BICRA: variants seen among roughly 807,000 people sequenced by gnomAD.
BICRA encodes the protein BRD4-interacting chromatin-remodeling complex-associated protein.
BICRA carries 31 observed loss-of-function variants against 96.9 expected under a neutral mutation model. The observed-to-expected ratio is 0.32, with a 90% CI of 0.24 to 0.43. BICRA has a LOEUF of 0.43. BICRA is among the 20% of genes least tolerant of loss of function. The probability of loss-of-function intolerance (pLI) is 1.00; values close to 1 mark genes in which losing one functional copy is unlikely to be tolerated. For missense variants in BICRA, 2,283 were observed against 2,190.3 expected (o/e 1.04, Z -0.84); for synonymous variants, 1,350 against 1,071.8 (o/e 1.26, Z -5.07).
In BICRA at chr19:47,701,190, C is replaced by T. The variant is rs192950891; in HGVS notation, c.3596-138C>T. On this transcript the variant is annotated intron_variant, in intron 14 of 14. Coordinates refer to ENST00000594866, the MANE Select transcript of BICRA (RefSeq NM_001394372.1). This position sits in a 1 kb window ranked among gnomAD's most constrained non-coding sequence, Gnocchi z 5.4. Reference sequence around the variant, plus strand: ...CTTGCTGAAGAGGGTCTCACCAAGCCTATCCTGAGGATTGGAGGGTCCAGG... The same window carrying T: ...CTTGCTGAAGAGGGTCTCACCAAGCTTATCCTGAGGATTGGAGGGTCCAGG... 3.8e-4 allele frequency: 247 copies of T among 652,918 alleles called. 1 individual carries two copies. In the African/African-American group the frequency reaches 4.2e-3, roughly 11 times the overall value. The allele number at this position is 652,918 out of a possible 1,614,324, so 40.4% of individuals were successfully genotyped here. A position where few individuals can be genotyped will look rare whatever the true frequency, so the allele number is the denominator to read the frequency against.
chr19:47,628,173 C>T (rs760042584), intron 1 of BICRA, among the ~76,000 whole-genome samples: 23 of 152,164 alleles, frequency 1.5e-4, no homozygotes, highest in Non-Finnish European at 2.9e-4. Flanking sequence ...ACTGTTGTTG[C>T]TATTATTATT....
In BICRA at chr19:47,680,314, G is replaced by A; in HGVS notation, c.1144G>A (p.Gly382Ser). Residue 382 changes from glycine to serine, a missense_variant, in exon 6 of 15, where the codon GGC becomes AGC. Transcript: ENST00000594866. ...APAGATLTIQ[G>S]EPGALPQQPK... Reference sequence around the variant, plus strand: ...CGCGGGCGCCACGCTCACCATCCAGGGCGAGCCGGGGGCGCTCCCGCAGCA... The same window carrying A: ...CGCGGGCGCCACGCTCACCATCCAGAGCGAGCCGGGGGCGCTCCCGCAGCA... 6.5e-7 allele frequency: 1 copy of A among 1,544,388 alleles called. No individual in the cohort carries two copies. The highest frequency in any genetic ancestry group is 8.7e-7 in the Non-Finnish European group (1 of 1,152,796).
At chr19:47,632,863 C>G (rs894493300) in intron 1 of BICRA, among the ~76,000 whole-genome samples, 2 of 151,982 alleles carry the variant, frequency 1.3e-5, no homozygotes, top group Non-Finnish European at 2.9e-5. Context: ...GCTCGGATCC[C>G]CAGCTGTCTC....
chr19:47,652,449 A>G (rs976776021), intron 1 of BICRA, among the ~76,000 whole-genome samples: 1 of 152,106 alleles, frequency 6.6e-6, no homozygotes, highest in Non-Finnish European at 1.5e-5. Flanking sequence ...TTGGCTCCCA[A>G]AGTGCTGGGA....
intron 1 of BICRA, among the ~76,000 whole-genome samples, chr19:47,637,895 T>C (rs750695640): frequency 1.2e-4 from 18 of 152,204 alleles, no homozygotes; most frequent in Non-Finnish European, 2.2e-4. Context: ...CTGAATAATA[T>C]TCCACTGGAT....
At chr19:47,676,761 G>A (rs1193191212) in intron 5 of BICRA, among the ~76,000 whole-genome samples, 3 of 151,722 alleles carry the variant, frequency 2.0e-5, no homozygotes, top group Non-Finnish European at 4.4e-5. Flanking sequence ...ATGAGGAAAT[G>A]TAGTAATTAT....
In BICRA at chr19:47,683,387, A is replaced by G. The variant is rs184038878; in HGVS notation, c.2283+1235A>G. Among the ~76,000 whole-genome samples, 144 of 152,186 alleles carry G rather than the reference A, an allele frequency of 9.5e-4. 1 individual carries two copies. Among genetic ancestry groups the G allele is most frequent in the African/African-American group, 3.3e-3 (139 of 41,504 alleles). ...TTTTATTGTGAATGAGGTCGGGCAG[A>G]TTTTCATAAAAGTAAGAGCCATTTG... On this transcript the variant is annotated intron_variant, in intron 7 of 14. Coordinates refer to ENST00000594866, the MANE Select transcript of BICRA (RefSeq NM_001394372.1).
chr19:47,613,129 TC>T, intron 1 of BICRA, among the ~76,000 whole-genome samples: 1 of 152,064 alleles, frequency 6.6e-6, no homozygotes, highest in Middle Eastern at 3.4e-3. Context: ...TCCCTAACCT[TC>T]CTTCAGGAGG....
At chr19:47,667,856 C>T (rs985847964) in intron 1 of BICRA, among the ~76,000 whole-genome samples, 7 of 152,292 alleles carry the variant, frequency 4.6e-5, no homozygotes, top group African/African-American at 7.2e-5. Flanking sequence ...TCAGATCCTA[C>T]GAGAGAAGTA....
chr19:47,679,790 C>A lies in BICRA; in HGVS notation c.620C>A (p.Thr207Lys). 1 of 1,492,570 alleles carries A rather than the reference C, an allele frequency of 6.7e-7. No homozygotes were observed. The highest frequency in any genetic ancestry group is 2.4e-5 in the Admixed American group (1 of 42,322). The allele number at this position is 1,492,570 out of a possible 1,614,324, so 92.5% of individuals were successfully genotyped here. The change falls in exon 6 of 15, where the codon ACA (threonine) becomes AAA (lysine). Residue 207 changes from threonine (T) to lysine (K), a missense_variant. By Grantham distance (78) the Thr-to-Lys change is moderately conservative. Coordinates refer to ENST00000594866, the MANE Select transcript of BICRA (RefSeq NM_001394372.1). Reference protein sequence around the residue: ...FLQPVGLGNVTLQPIPGLQGL... With the variant: ...FLQPVGLGNVKLQPIPGLQGL... ...CAGCCTGTGGGCCTGGGCAATGTGA[C>A]ACTGCAGCCCATCCCGGGCCTCCAA...
At chr19:47,676,039 G>T in intron 5 of BICRA, 123 bp downstream of exon 5, 2 of 643,522 alleles carry the variant, frequency 3.1e-6, no homozygotes, top group Non-Finnish European at 5.4e-6. Context: ...AGGAGGGCGG[G>T]GGTGGGCCAC....
At chr19:47,645,468 C>T (rs1278901278) in intron 1 of BICRA, among the ~76,000 whole-genome samples, 1 of 152,062 alleles carries the variant, frequency 6.6e-6, no homozygotes, top group South Asian at 2.1e-4. Context: ...GCAGGTGGTG[C>T]GTTCAGCTGG....
At chr19:47,668,351 T>C (rs1312081112) in intron 1 of BICRA, among the ~76,000 whole-genome samples, 1 of 152,026 alleles carries the variant, frequency 6.6e-6, no homozygotes, top group Non-Finnish European at 1.5e-5. Flanking sequence ...GTGGGTAGAG[T>C]GGCCAAAAAA....
intron 7 of BICRA, among the ~76,000 whole-genome samples, chr19:47,685,554 T>A (rs568074629): frequency 6.6e-6 from 1 of 152,200 alleles, no homozygotes; most frequent in South Asian, 2.1e-4. Context: ...TGTCCCCTGG[T>A]GGGGACAGAA....
intron 7 of BICRA, among the ~76,000 whole-genome samples, chr19:47,683,664 A>G (rs1408230987): frequency 6.6e-6 from 1 of 150,916 alleles, no homozygotes; most frequent in East Asian, 2.0e-4. Flanking sequence ...TGCTCACTGC[A>G]AGCTCCGCCT....
In BICRA at chr19:47,680,900, C is replaced by T. The variant is rs777501016; in HGVS notation, c.1730C>T (p.Pro577Leu). Residue 577 changes from proline to leucine, a missense_variant, in exon 6 of 15, where the codon CCG becomes CTG. By Grantham distance (98) the Pro-to-Leu change is moderately conservative. Coordinates refer to ENST00000594866, the MANE Select transcript of BICRA (RefSeq NM_001394372.1). ...PTQSQPAPAGPAATTVLQGVT... is the reference protein window; with the variant it reads ...PTQSQPAPAGLAATTVLQGVT... ...CAGAGCCAGCCAGCGCCCGCCGGGC[C>T]GGCCGCCACCACTGTCCTCCAGGGG... The T allele has an allele frequency of 3.4e-6, 5 of 1,484,838 alleles. No homozygotes were observed. Among genetic ancestry groups the T allele is most frequent in the East Asian group, 2.6e-5 (1 of 38,602 alleles). The allele number at this position is 1,484,838 out of a possible 1,614,324, so 92.0% of individuals were successfully genotyped here.
chr19:47,654,422 A>G (rs1165329834), intron 1 of BICRA, among the ~76,000 whole-genome samples: 9 of 152,190 alleles, frequency 5.9e-5, no homozygotes, highest in African/African-American at 2.2e-4. Context: ...AAATTAAAAA[A>G]AAAAAATCAA....
chr19:47,701,967 G>A lies in BICRA; in HGVS notation c.4235G>A (p.Gly1412Asp). ...EGTPAGRARG[G>D]SPAPLPAKVD... ...ACGCCCGCAGGCAGGGCACGGGGAG[G>A]CAGCCCGGCGCCGCTGCCCGCCAAA... The change falls in exon 15 of 15, where the codon GGC becomes GAC. Residue 1412 changes from glycine to aspartate, a missense_variant. Gly to Asp is a moderately conservative substitution (Grantham distance 94). Coordinates refer to ENST00000594866, the MANE Select transcript of BICRA (RefSeq NM_001394372.1). This position sits in a 1 kb window ranked among gnomAD's most constrained non-coding sequence, Gnocchi z 5.4. 3 of 1,459,894 alleles carry A rather than the reference G, an allele frequency of 2.1e-6. No homozygotes were observed. Among genetic ancestry groups the A allele is most frequent in the Admixed American group, 2.8e-5 (1 of 35,454 alleles). The allele number at this position is 1,459,894 out of a possible 1,614,324, so 90.4% of individuals were successfully genotyped here.
chr19:47,674,946 C>T (rs943083131), intron 4 of BICRA, among the ~76,000 whole-genome samples: 4 of 152,208 alleles, frequency 2.6e-5, no homozygotes, highest in African/African-American at 7.2e-5. Context: ...TTGAGCTCCA[C>T]CTCTTGAAAG....
Sources: gnomAD v4.1 joint callset for allele counts (sites outside exome capture counted in the v4.1 genomes callset) on GRCh38, gnomAD v4.1.1 for gene constraint, Gnocchi (gnomAD v3.1) non-coding constraint, MANE v1.5 for transcripts, NCBI Gene and HGNC (gene_info 2026-07-23, HGNC 2026-07-21) for gene names.